Variants in FRMD3 observed in about 807,000 individuals in gnomAD.
FRMD3 encodes the protein FERM domain containing 3.
FRMD3 carries 33 observed loss-of-function variants against 70.2 expected under a neutral mutation model. The ratio of observed to expected loss-of-function variants is 0.47; its 90% CI spans 0.36 to 0.63. FRMD3 has a LOEUF of 0.63. Ranked by LOEUF, FRMD3 falls within the 20% of genes least tolerant of loss-of-function variation. FRMD3 has a pLI of 0.00. For synonymous variants in FRMD3, 279 were observed against 255.9 expected, an observed-to-expected ratio of 1.09 and a Z score of -0.86; for missense variants, 632 against 711.4, an observed-to-expected ratio of 0.89 and a Z score of 1.27.
chr9:83,584,377 C>T, the FRMD3 span, among the ~76,000 whole-genome samples: 1 of 152,038 alleles, frequency 6.6e-6, no homozygotes, highest in African/African-American at 2.4e-5. Flanking sequence ...CCTCCTCCTC[C>T]TCCTTGTCTT....
the FRMD3 span, among the ~76,000 whole-genome samples, chr9:83,547,343 T>C: frequency 7.4e-5 from 11 of 149,114 alleles, no homozygotes; most frequent in South Asian, 2.3e-3. Context: ...ATAATTATTA[T>C]ATAATCATTA....
At chr9:83,502,299 G>A (rs893266922) in intron 1 of FRMD3, among the ~76,000 whole-genome samples, 2 of 152,278 alleles carry the variant, frequency 1.3e-5, no homozygotes, top group Non-Finnish European at 2.9e-5. Flanking sequence ...CTTTTTGATG[G>A]AGGGTACATT....
chr9:83,261,225 C>T (rs778726433), intron 13 of FRMD3, among the ~76,000 whole-genome samples: 129 of 152,102 alleles, frequency 8.5e-4, no homozygotes, highest in Non-Finnish European at 1.4e-3. Flanking sequence ...TCCTGGGACT[C>T]AGGGCTGCCA....
chr9:83,464,889 G>A (rs1564090485), intron 1 of FRMD3, among the ~76,000 whole-genome samples: 1 of 152,038 alleles, frequency 6.6e-6, no homozygotes, highest in African/African-American at 2.4e-5. Flanking sequence ...GCTTGGTGGT[G>A]TGCACCTGTA....
the FRMD3 span, among the ~76,000 whole-genome samples, chr9:83,548,543 T>C: frequency 6.6e-6 from 1 of 152,128 alleles, no homozygotes; most frequent in East Asian, 1.9e-4. Context: ...CAAACAGCAG[T>C]AAAAAGATTA....
In FRMD3 at chr9:83,247,007, A is replaced by G. The variant is rs977994313; in HGVS notation, c.*911T>C. ...GTACATTGATATGCAACTGACTAGC[A>G]CATCTGTTACCTTTTTTCCTTTAAA... is the stretch of plus-strand genomic sequence containing the variant. On this transcript the variant is annotated 3_prime_UTR_variant, in exon 14 of 14. Coordinates refer to ENST00000304195, the MANE Select transcript of FRMD3 (RefSeq NM_174938.6). The G allele has an allele frequency of 4.1e-6, 4 of 985,266 alleles. No individual in the cohort carries two copies. The highest frequency in any genetic ancestry group is 3.5e-5 in the African/African-American group (2 of 57,214). The allele number at this position is 985,266 out of a possible 1,614,324, so 61.0% of individuals were successfully genotyped here. A position where few individuals can be genotyped will look rare whatever the true frequency, so the allele number is the denominator to read the frequency against.
chr9:83,333,053 G>A (rs1823443734), intron 6 of FRMD3, among the ~76,000 whole-genome samples: 1 of 152,220 alleles, frequency 6.6e-6, no homozygotes, highest in Non-Finnish European at 1.5e-5. Context: ...CCCTGTAGCA[G>A]GTTTCCCAAC....
chr9:83,498,937 T>C (rs1052781374), intron 1 of FRMD3, among the ~76,000 whole-genome samples: 8 of 152,146 alleles, frequency 5.3e-5, no homozygotes, highest in African/African-American at 1.9e-4. Flanking sequence ...TACCATATGA[T>C]AATAGCTCTT....
At chr9:83,278,177 G>A (rs767702267) in intron 13 of FRMD3, among the ~76,000 whole-genome samples, 59 of 152,198 alleles carry the variant, frequency 3.9e-4, no homozygotes, top group Non-Finnish European at 1.6e-4. Context: ...TCCTGGGTGG[G>A]GGAAACAGCT....
Position 83,538,399 on chromosome 9 carries a change from G to A in FRMD3, c.-168C>T, listed in dbSNP as rs953823652. On this transcript the variant is annotated 5_prime_UTR_variant, in exon 1 of 14. Coordinates refer to ENST00000304195, the MANE Select transcript of FRMD3 (RefSeq NM_174938.6). The surrounding 1 kb of genome is among the most constrained non-coding windows in gnomAD (Gnocchi z 4.7). ...CACACATGCCCAGCGGCCGGGGCGC[G>A]GCGGGCGGGTCCCTCCCTCTGTTCG... 4.2e-6 allele frequency: 2 copies of A among 475,976 alleles called. No homozygotes were observed. The highest frequency in any genetic ancestry group is 3.3e-6 in the Non-Finnish European group (1 of 301,338). The allele number at this position is 475,976 out of a possible 1,614,324, so 29.5% of individuals were successfully genotyped here. A position where few individuals can be genotyped will look rare whatever the true frequency, so the allele number is the denominator to read the frequency against.
chr9:83,263,904 A>G (rs1833107374), intron 13 of FRMD3, among the ~76,000 whole-genome samples: 1 of 152,254 alleles, frequency 6.6e-6, no homozygotes, highest in Admixed American at 6.5e-5. Context: ...TTAAAATATA[A>G]CAAAGTAGCA....
At chr9:83,504,465 C>T (rs1829139352) in intron 1 of FRMD3, among the ~76,000 whole-genome samples, 1 of 152,154 alleles carries the variant, frequency 6.6e-6, no homozygotes, top group Non-Finnish European at 1.5e-5. Context: ...TCTGCCACCC[C>T]CTCTCTTGGC....
At chr9:83,459,991 G>A (rs534821319) in intron 1 of FRMD3, among the ~76,000 whole-genome samples, 136 of 152,306 alleles carry the variant, frequency 8.9e-4, no homozygotes, top group Non-Finnish European at 1.6e-3. Flanking sequence ...CTTCTTATGC[G>A]GACATTAATT....
chr9:83,332,007 T>C, intron 6 of FRMD3: 1 of 661,530 alleles, frequency 1.5e-6, no homozygotes, highest in South Asian at 1.8e-5. Flanking sequence ...ATCTGGCAAA[T>C]CCAAGTTTCT....
At chr9:83,448,903 T>C (rs1349719512) in intron 1 of FRMD3, among the ~76,000 whole-genome samples, 2 of 152,216 alleles carry the variant, frequency 1.3e-5, no homozygotes, top group Non-Finnish European at 2.9e-5. Context: ...AGCAACCTCA[T>C]TGCAAATTCC....
intron 1 of FRMD3, among the ~76,000 whole-genome samples, chr9:83,513,665 T>C (rs772366886): frequency 1.3e-5 from 2 of 152,186 alleles, no homozygotes; most frequent in Non-Finnish European, 2.9e-5. Context: ...AAATGGGATT[T>C]CCAGGCAAGA....
chr9:83,435,257 C>T lies in FRMD3; in HGVS notation c.148-45549G>A, dbSNP rs542317766. Among the ~76,000 whole-genome samples, 3 of 152,312 alleles carry T rather than the reference C, an allele frequency of 2.0e-5. No individual in the cohort carries two copies. The South Asian group carries it at 6.2e-4, about 32-fold the overall frequency. ...TTCCTCTTAGTCAACACACAGTGTGCAGTGTGCTTCTGAATTCAAATATCC... is the reference window on the plus strand; with the variant it reads ...TTCCTCTTAGTCAACACACAGTGTGTAGTGTGCTTCTGAATTCAAATATCC... On this transcript the variant is annotated intron_variant, in intron 1 of 13. Transcript: ENST00000304195.
At chr9:83,446,831 G>A (rs1423027203) in intron 1 of FRMD3, among the ~76,000 whole-genome samples, 1 of 152,088 alleles carries the variant, frequency 6.6e-6, no homozygotes, top group Non-Finnish European at 1.5e-5. Flanking sequence ...ACTTGAGTAT[G>A]GGGTGCTAAA....
chr9:83,264,456 A>C (rs549872518), intron 13 of FRMD3, among the ~76,000 whole-genome samples: 1 of 152,220 alleles, frequency 6.6e-6, no homozygotes, highest in Non-Finnish European at 1.5e-5. Context: ...CAAACGATCA[A>C]CTTTGAATAG....
Sources: allele counts gnomAD v4.1 joint callset (sites outside exome capture counted in the v4.1 genomes callset), GRCh38; gene constraint gnomAD v4.1.1; non-coding constraint Gnocchi (gnomAD v3.1); transcripts MANE v1.5; gene names NCBI Gene and HGNC (gene_info 2026-07-23, HGNC 2026-07-21).